PTPRD: variants seen among roughly 807,000 people sequenced by gnomAD.
The protein encoded by PTPRD is receptor-type tyrosine-protein phosphatase delta.
In PTPRD, 34 loss-of-function variants were observed where a neutral mutation model predicts 214.5. The observed-to-expected ratio is 0.16, with a 90% CI of 0.12 to 0.21. The LOEUF (loss-of-function observed/expected upper bound fraction) is 0.21, where lower values mean the gene tolerates loss of function less well. PTPRD is among the 10% of genes least tolerant of loss of function. The pLI is 1.00. For synonymous variants in PTPRD, 1,128 were observed against 845.7 expected (o/e 1.33, Z -5.79); for missense variants, 2,545 against 2,398.7 (o/e 1.06, Z -1.27).
At chr9:8,500,664 A>G (rs1033361200) in intron 24 of PTPRD, 90 bp downstream of exon 24, 2 of 1,314,998 alleles carry the variant, frequency 1.5e-6, no homozygotes, top group Non-Finnish European at 2.1e-6. Flanking sequence ...AAAGATGAGC[A>G]GAGAAAAAAG....
intron 11 of PTPRD, among the ~76,000 whole-genome samples, chr9:8,752,605 G>A (rs970910840): frequency 6.6e-6 from 1 of 152,124 alleles, no homozygotes; most frequent in East Asian, 1.9e-4. Flanking sequence ...CTCTCTTGGG[G>A]TCTGGATCGG....
At chr9:10,301,997 A>G (rs1264712762) in intron 3 of PTPRD, among the ~76,000 whole-genome samples, 1 of 152,216 alleles carries the variant, frequency 6.6e-6, no homozygotes, top group Non-Finnish European at 1.5e-5. Flanking sequence ...AAATGAAGGA[A>G]AAAATGTTAA....
chr9:8,864,316 C>G (rs2098157980), intron 11 of PTPRD, among the ~76,000 whole-genome samples: 1 of 152,176 alleles, frequency 6.6e-6, no homozygotes. Flanking sequence ...AAGCCTGACT[C>G]TTATCTCTCA....
intron 2 of PTPRD, among the ~76,000 whole-genome samples, chr9:10,449,856 A>C (rs2098828297): frequency 6.6e-6 from 1 of 151,810 alleles, no homozygotes; most frequent in Non-Finnish European, 1.5e-5. Context: ...GTCTGTATAG[A>C]AAGAAGTAGA....
At chr9:9,931,305 T>C (rs1394907654) in intron 5 of PTPRD, among the ~76,000 whole-genome samples, 1 of 152,170 alleles carries the variant, frequency 6.6e-6, no homozygotes, top group Non-Finnish European at 1.5e-5. Flanking sequence ...TGCATTTCCA[T>C]CTGAGGTACA....
At chr9:9,435,812 C>T (rs538489086) in intron 8 of PTPRD, among the ~76,000 whole-genome samples, 4 of 152,178 alleles carry the variant, frequency 2.6e-5, no homozygotes, top group African/African-American at 9.6e-5. Context: ...ATATAATAAA[C>T]TAACTTATCA....
At position 9,880,044 on chromosome 9, in the gene PTPRD, A is replaced by AG. The variant is rs576256602; in HGVS notation, c.-368+58462dup. ...CTCTAACTCTAATCCCCACATGTCG[A>AG]GGGGGGGACCTATATCCCCAAGTGT... On this transcript the variant is annotated intron_variant, in intron 5 of 45. Coordinates refer to ENST00000381196, the MANE Select transcript of PTPRD (RefSeq NM_002839.4). Among the ~76,000 whole-genome samples, 10 of 152,024 alleles carry AG rather than the reference A, an allele frequency of 6.6e-5. No homozygotes were observed. The South Asian group carries it at 8.3e-4, about 13-fold the overall frequency.
At chr9:9,742,280 T>C (rs2098411792) in intron 6 of PTPRD, among the ~76,000 whole-genome samples, 1 of 152,152 alleles carries the variant, frequency 6.6e-6, no homozygotes, top group Non-Finnish European at 1.5e-5. Flanking sequence ...GGAAGGAGCA[T>C]GTATGATGGG....
intron 3 of PTPRD, among the ~76,000 whole-genome samples, chr9:10,210,807 ATATATATATATATATGTATGTATG>A (rs1470898587): frequency 3.9e-4 from 36 of 92,946 alleles, no homozygotes; most frequent in African/African-American, 1.6e-3. Flanking sequence ...ATATATATAT[ATATATATATATATATGTATGTATG>A]TATGTATGTA....
intron 8 of PTPRD, among the ~76,000 whole-genome samples, chr9:9,404,030 G>T (rs1291489788): frequency 1.3e-5 from 2 of 151,932 alleles, no homozygotes; most frequent in Non-Finnish European, 1.5e-5. Context: ...TAGTACACAA[G>T]GACTTGTGTA....
chr9:8,666,481 C>T (rs2097172883), intron 12 of PTPRD, among the ~76,000 whole-genome samples: 2 of 152,170 alleles, frequency 1.3e-5, no homozygotes, highest in South Asian at 2.1e-4. Flanking sequence ...ATTCGTATGG[C>T]TTCATATCAG....
chr9:9,803,380 A>C (rs1242512400), intron 5 of PTPRD, among the ~76,000 whole-genome samples: 1 of 152,012 alleles, frequency 6.6e-6, no homozygotes, highest in Non-Finnish European at 1.5e-5. Context: ...AATTGAAGAA[A>C]CTATTTTTTC....
At chr9:9,578,688 A>T (rs1436411291) in intron 7 of PTPRD, among the ~76,000 whole-genome samples, 1 of 152,134 alleles carries the variant, frequency 6.6e-6, no homozygotes, top group East Asian at 1.9e-4. Flanking sequence ...ATGTATCCTC[A>T]GTTGATGCTC....
At chr9:9,441,841 T>A (rs2088004829) in intron 8 of PTPRD, among the ~76,000 whole-genome samples, 2 of 152,236 alleles carry the variant, frequency 1.3e-5, no homozygotes, top group African/African-American at 4.8e-5. Flanking sequence ...CTAAGGACAA[T>A]TGTTATAAGT....
chr9:8,640,511 T>A (rs1262874886), intron 12 of PTPRD, among the ~76,000 whole-genome samples: 1 of 151,334 alleles, frequency 6.6e-6, no homozygotes, highest in Non-Finnish European at 1.5e-5. Flanking sequence ...GGAACTATTT[T>A]TCTAAATCCT....
At chr9:10,332,307 T>C (rs1034476445) in intron 3 of PTPRD, among the ~76,000 whole-genome samples, 1 of 151,826 alleles carries the variant, frequency 6.6e-6, no homozygotes, top group South Asian at 2.1e-4. Flanking sequence ...AAGAAGACTA[T>C]GAAGAATTTC....
intron 13 of PTPRD, among the ~76,000 whole-genome samples, chr9:8,635,062 AATATATATTAAATATATATTAT>A (rs1236859053): frequency 6.8e-6 from 1 of 147,664 alleles, no homozygotes; most frequent in Non-Finnish European, 1.5e-5. Context: ...TATATTTAAT[AATATATATTAAATATATATTAT>A]ATATATATTA....
intron 9 of PTPRD, among the ~76,000 whole-genome samples, chr9:9,341,063 G>C (rs2046600548): frequency 6.6e-6 from 1 of 151,914 alleles, no homozygotes; most frequent in Non-Finnish European, 1.5e-5. Context: ...TACATTAAAT[G>C]TTTTGCTAAT....
At chr9:8,573,941 C>T (rs909239057) in intron 14 of PTPRD, among the ~76,000 whole-genome samples, 1 of 151,902 alleles carries the variant, frequency 6.6e-6, no homozygotes, top group African/African-American at 2.4e-5. Context: ...CATATTTTAA[C>T]TTCATTTAGG....
Sources: allele counts gnomAD v4.1 joint callset (sites outside exome capture counted in the v4.1 genomes callset), GRCh38; gene constraint gnomAD v4.1.1; transcripts MANE v1.5; gene names NCBI Gene and HGNC (gene_info 2026-07-23, HGNC 2026-07-21).